Variants in MAN1A2 observed in about 807,000 individuals in gnomAD.
MAN1A2 encodes mannosyl-oligosaccharide 1,2-alpha-mannosidase IB.
A neutral mutation model predicts 75.7 loss-of-function variants in MAN1A2; 26 were observed. That is an observed-to-expected ratio of 0.34 (90% confidence interval 0.25 to 0.48). MAN1A2 has a LOEUF of 0.48. MAN1A2 is among the 20% of genes least tolerant of loss of function. The pLI is 0.99. For synonymous variants in MAN1A2, 247 were observed against 264.6 expected (o/e 0.93, Z 0.65); for missense variants, 562 against 775.5 (o/e 0.72, Z 3.27).
Position 117,437,356 on chromosome 1 carries a change from CAG to C in MAN1A2, c.856-4873_856-4872del, listed in dbSNP as rs141752247. Among the ~76,000 whole-genome samples the C allele has an allele frequency of 3.1e-3, 472 of 152,144 alleles. 2 individuals are homozygous for C. Among genetic ancestry groups the C allele is most frequent in the African/African-American group, 0.011 (449 of 41,518 alleles). On this transcript the variant is annotated intron_variant, in intron 5 of 12. Transcript: ENST00000356554. ...TGGAGTTCTCAGTAGTAATTGAAGT[CAG>C]AAGATTTTAGAGTAGTATCTTTAAA...
rs1183338939 is a variant in MAN1A2, at chr1:117,526,491, C to T, written c.*3534C>T. 1 of 151,602 alleles carries T rather than the reference C, an allele frequency of 6.6e-6. No individual in the cohort carries two copies. Among genetic ancestry groups the T allele is most frequent in the Non-Finnish European group, 1.5e-5 (1 of 67,750 alleles). 9.4% of individuals were successfully genotyped at this position (151,602 alleles called of 1,614,324 possible). On this transcript the variant is annotated 3_prime_UTR_variant, in exon 13 of 13. Transcript: ENST00000356554. ...AATAACTAAAACCTCTTGAAAATGT[C>T]AAAGAAATACTTGATTTCTGATGCA...
intron 1 of MAN1A2, among the ~76,000 whole-genome samples, chr1:117,387,179 A>G (rs1002952293): frequency 2.0e-5 from 3 of 151,842 alleles, no homozygotes; most frequent in Non-Finnish European, 4.4e-5. Flanking sequence ...CAAAACCACA[A>G]TAAGATAACC....
intron 12 of MAN1A2, among the ~76,000 whole-genome samples, chr1:117,507,270 A>G (rs1007828674): frequency 6.6e-6 from 1 of 151,570 alleles, no homozygotes; most frequent in African/African-American, 2.4e-5. Context: ...GAATAGAATA[A>G]AGTCTCGTAG....
intron 11 of MAN1A2, among the ~76,000 whole-genome samples, chr1:117,501,899 T>C (rs1475134721): frequency 6.6e-6 from 1 of 151,792 alleles, no homozygotes; most frequent in African/African-American, 2.4e-5. Flanking sequence ...TTAGGTAGAA[T>C]AGAAAAACAA....
intron 4 of MAN1A2, among the ~76,000 whole-genome samples, chr1:117,415,227 A>C (rs1174339875): frequency 1.3e-5 from 2 of 152,108 alleles, no homozygotes; most frequent in African/African-American, 2.4e-5. Flanking sequence ...AACCTGTCAT[A>C]AAATTGATAT....
At chr1:117,446,307 T>C (rs1649234589) in intron 6 of MAN1A2, among the ~76,000 whole-genome samples, 1 of 151,998 alleles carries the variant, frequency 6.6e-6, no homozygotes, top group Non-Finnish European at 1.5e-5. Flanking sequence ...TCCTTCTCTT[T>C]TCTTATTGGA....
Position 117,524,337 on chromosome 1 carries a change from A to G in MAN1A2, c.*1380A>G, listed in dbSNP as rs1651948867. 6.6e-6 allele frequency: 1 copy of G among 152,080 alleles called. No homozygotes were observed. 9.4% of individuals were successfully genotyped at this position (152,080 alleles called of 1,614,324 possible). On this transcript the variant is annotated 3_prime_UTR_variant, in exon 13 of 13. Coordinates refer to ENST00000356554, the MANE Select transcript of MAN1A2 (RefSeq NM_006699.5). ...AACTTAAATTTTATCAGGAACTGTA[A>G]GATAAATATCTAGTGCTTATAAATT...
chr1:117,455,481 T>C (rs955639942), intron 6 of MAN1A2, among the ~76,000 whole-genome samples: 5 of 152,130 alleles, frequency 3.3e-5, no homozygotes, highest in African/African-American at 1.2e-4. Context: ...CATTTTTGTA[T>C]GTAAATTATA....
chr1:117,371,944 T>C (rs1652978112), intron 1 of MAN1A2, among the ~76,000 whole-genome samples: 1 of 152,166 alleles, frequency 6.6e-6, no homozygotes, highest in Admixed American at 6.5e-5. Flanking sequence ...CATGTGCCAC[T>C]CAGAGTGCGA....
At chr1:117,444,744 G>T (rs1649152881) in intron 6 of MAN1A2, among the ~76,000 whole-genome samples, 1 of 151,782 alleles carries the variant, frequency 6.6e-6, no homozygotes, top group Non-Finnish European at 1.5e-5. Context: ...AAAGTGTTTT[G>T]TAGATTATAT....
intron 3 of MAN1A2, among the ~76,000 whole-genome samples, chr1:117,409,784 T>C (rs999544837): frequency 6.6e-6 from 1 of 152,074 alleles, no homozygotes; most frequent in African/African-American, 2.4e-5. Context: ...GGAGCACCAC[T>C]AAAGTCCTAG....
rs1007254087 is a variant in MAN1A2, at chr1:117,368,057, A to G, written c.-127A>G. ...ATGACGTGCCCTCTTAAAAAGCACA[A>G]CAGTCCTTTAAGAGGAGCAAAATTG... On this transcript the variant is annotated 5_prime_UTR_variant, in exon 1 of 13. Coordinates refer to ENST00000356554, the MANE Select transcript of MAN1A2 (RefSeq NM_006699.5). The G allele has an allele frequency of 1.5e-5, 13 of 888,166 alleles. No individual in the cohort carries two copies. The African/African-American group carries it at 1.5e-4, about 10-fold the overall frequency. 55.0% of individuals were successfully genotyped at this position (888,166 alleles called of 1,614,324 possible). A position where few individuals can be genotyped will look rare whatever the true frequency, so the allele number is the denominator to read the frequency against.
At chr1:117,516,998 T>C (rs928512166) in intron 12 of MAN1A2, among the ~76,000 whole-genome samples, 3 of 152,102 alleles carry the variant, frequency 2.0e-5, no homozygotes, top group Non-Finnish European at 4.4e-5. Flanking sequence ...CAGGGCCACA[T>C]AGGGTTGCAG....
intron 8 of MAN1A2, among the ~76,000 whole-genome samples, chr1:117,473,823 TTC>T (rs1650233862): frequency 6.6e-6 from 1 of 152,056 alleles, no homozygotes; most frequent in South Asian, 2.1e-4. Context: ...TATAGATTTC[TTC>T]CACCGAGTGG....
intron 5 of MAN1A2, among the ~76,000 whole-genome samples, chr1:117,435,914 T>G (rs1314856481): frequency 6.6e-6 from 1 of 152,052 alleles, no homozygotes; most frequent in East Asian, 1.9e-4. Context: ...AAAAATTAGC[T>G]AGGCGTGGTG....
chr1:117,447,316 A>G (rs1190654256), intron 6 of MAN1A2, among the ~76,000 whole-genome samples: 1 of 152,134 alleles, frequency 6.6e-6, no homozygotes, highest in Non-Finnish European at 1.5e-5. Flanking sequence ...TCATAATATA[A>G]TGCTTATGAA....
At chr1:117,429,732 G>C (rs868131794) in intron 5 of MAN1A2, among the ~76,000 whole-genome samples, 4 of 97,282 alleles carry the variant, frequency 4.1e-5, no homozygotes, top group Non-Finnish European at 6.5e-5. Flanking sequence ...CCTCCCTCCC[G>C]GACGGGGCGG....
intron 1 of MAN1A2, among the ~76,000 whole-genome samples, chr1:117,378,822 T>G (rs1230407278): frequency 1.3e-5 from 2 of 152,272 alleles, no homozygotes; most frequent in African/African-American, 4.8e-5. Flanking sequence ...ATTGACTATT[T>G]GAGTTTCTTA....
In MAN1A2 at chr1:117,526,308, G is replaced by C. The variant is rs1055559252; in HGVS notation, c.*3351G>C. 1 of 151,822 alleles carries C rather than the reference G, an allele frequency of 6.6e-6. No individual in the cohort carries two copies. The highest frequency in any genetic ancestry group is 2.1e-4 in the South Asian group (1 of 4,826). The allele number at this position is 151,822 out of a possible 1,614,324, so 9.4% of individuals were successfully genotyped here. On this transcript the variant is annotated 3_prime_UTR_variant, in exon 13 of 13. Coordinates refer to ENST00000356554, the MANE Select transcript of MAN1A2 (RefSeq NM_006699.5). ...TTTATGTGATTCCACAGCATTTTCT[G>C]TATGAGAGTAGCTCACAACATTTTA... is the stretch of plus-strand genomic sequence containing the variant.
Sources: gnomAD v4.1 joint callset for allele counts (sites outside exome capture counted in the v4.1 genomes callset) on GRCh38, gnomAD v4.1.1 for gene constraint, MANE v1.5 for transcripts, NCBI Gene and HGNC (gene_info 2026-07-23, HGNC 2026-07-21) for gene names.